Variants in AMOTL1 observed in about 807,000 individuals in gnomAD.
AMOTL1 encodes angiomotin like 1.
A neutral mutation model predicts 102.9 loss-of-function variants in AMOTL1; 45 were observed. The observed-to-expected ratio is 0.44, with a 90% confidence interval of 0.34 to 0.56. The LOEUF is 0.56. Among genes scored for constraint, AMOTL1 ranks in the 20% least tolerant of loss-of-function variants. AMOTL1 has a pLI of 0.01. For missense variants in AMOTL1, 1,114 were observed against 1,225.6 expected (o/e 0.91, Z 1.36); for synonymous variants, 481 against 484.7 (o/e 0.99, Z 0.10).
At chr11:94,849,061 A>G (rs1435016476) in intron 6 of AMOTL1, among the ~76,000 whole-genome samples, 2 of 152,210 alleles carry the variant, frequency 1.3e-5, no homozygotes, top group African/African-American at 2.4e-5. Context: ...ATCCATTTCT[A>G]ACTACTATTG....
At chr11:94,856,003 GAC>G (rs1251304839) in intron 8 of AMOTL1, among the ~76,000 whole-genome samples, 7 of 152,198 alleles carry the variant, frequency 4.6e-5, no homozygotes, top group African/African-American at 1.7e-4. Flanking sequence ...AAGAGGAGGA[GAC>G]AGTCTCTAAA....
intron 8 of AMOTL1, among the ~76,000 whole-genome samples, chr11:94,854,965 C>T (rs1000683058): frequency 4.6e-5 from 7 of 152,128 alleles, no homozygotes; most frequent in African/African-American, 1.7e-4. Flanking sequence ...AGTGAAAAGC[C>T]CAGCCTGGGG....
intron 1 of AMOTL1, among the ~76,000 whole-genome samples, chr11:94,712,759 C>G (rs761677620): frequency 1.1e-4 from 16 of 151,824 alleles, no homozygotes; most frequent in Non-Finnish European, 1.9e-4. Flanking sequence ...GTATGGTTTG[C>G]AGATATTCTC....
At position 94,790,970 on chromosome 11, in the gene AMOTL1, C is replaced by T. The variant is rs567565642; in HGVS notation, c.50-4041C>T. Among the ~76,000 whole-genome samples the T allele has an allele frequency of 8.5e-5, 13 of 152,228 alleles. No homozygotes were observed. In the East Asian group the frequency reaches 2.3e-3, roughly 27 times the overall value. On this transcript the variant is annotated intron_variant, in intron 1 of 12. Transcript: ENST00000433060. ...ATTCACCTTAATTCATTTTTTTTCC[C>T]TTCAACAATGAAGCCGTTGTTATTG...
chr11:94,710,235 A>G (rs1321046565), intron 1 of AMOTL1, among the ~76,000 whole-genome samples: 1 of 152,206 alleles, frequency 6.6e-6, no homozygotes, highest in Non-Finnish European at 1.5e-5. Context: ...GTGCCACCTG[A>G]GGCCTGGTGG....
intron 3 of AMOTL1, among the ~76,000 whole-genome samples, chr11:94,813,654 A>G (rs1951718962): frequency 6.6e-6 from 1 of 152,136 alleles, no homozygotes; most frequent in South Asian, 2.1e-4. Flanking sequence ...CCCCTTCCAC[A>G]CTGAAGTGCG....
intron 6 of AMOTL1, among the ~76,000 whole-genome samples, chr11:94,846,210 T>G (rs1453229785): frequency 6.6e-6 from 1 of 152,206 alleles, no homozygotes; most frequent in African/African-American, 2.4e-5. Context: ...TGTGTTCTCA[T>G]AGCACCCTGT....
At chr11:94,804,643 T>C (rs1951537867) in intron 3 of AMOTL1, among the ~76,000 whole-genome samples, 1 of 152,248 alleles carries the variant, frequency 6.6e-6, no homozygotes, top group Admixed American at 6.5e-5. Flanking sequence ...AGGTTAATTT[T>C]GTGGGGAAGG....
intron 2 of AMOTL1, among the ~76,000 whole-genome samples, chr11:94,737,877 G>C (rs1007309935): frequency 2.0e-5 from 3 of 152,234 alleles, no homozygotes; most frequent in African/African-American, 7.2e-5. Flanking sequence ...GAGCAAAATG[G>C]AGAATGGGTG....
chr11:94,822,472 A>G (rs970561939), intron 4 of AMOTL1, among the ~76,000 whole-genome samples: 5 of 152,150 alleles, frequency 3.3e-5, no homozygotes, highest in Non-Finnish European at 7.4e-5. Context: ...AGTGAGAGAT[A>G]CCAAATTTTC....
chr11:94,870,478 C>G (rs1952975186), intron 12 of AMOTL1, among the ~76,000 whole-genome samples: 1 of 152,188 alleles, frequency 6.6e-6, no homozygotes, highest in Non-Finnish European at 1.5e-5. Context: ...CCTTCTGAAT[C>G]CTCTCCCTTC....
chr11:94,746,983 A>G (rs1372071839), intron 3 of AMOTL1, among the ~76,000 whole-genome samples: 1 of 151,894 alleles, frequency 6.6e-6, no homozygotes, highest in Non-Finnish European at 1.5e-5. Flanking sequence ...GTATATCTCT[A>G]AGACTGGCCT....
upstream of AMOTL1, among the ~76,000 whole-genome samples, chr11:94,765,059 C>T (rs1444344000): frequency 6.6e-6 from 1 of 152,194 alleles, no homozygotes; most frequent in Non-Finnish European, 1.5e-5. Context: ...TTGGGAACAG[C>T]TTGGTATCAC....
At position 94,837,213 on chromosome 11, in the gene AMOTL1, C is replaced by T. The variant is rs1344380951; in HGVS notation, c.1648+5672C>T. Among the ~76,000 whole-genome samples, 4 of 152,326 alleles carry T rather than the reference C, an allele frequency of 2.6e-5. 1 individual carries two copies. Among genetic ancestry groups the T allele is most frequent in the African/African-American group, 9.6e-5 (4 of 41,576 alleles). On this transcript the variant is annotated intron_variant, in intron 6 of 12. Coordinates refer to ENST00000433060, the MANE Select transcript of AMOTL1 (RefSeq NM_130847.3). ...ACATCTCCTGAGTCCTGGTGTCTTACTAACAGGCTCAGAGACCTGAAGTTA... is the reference window on the plus strand; with the variant it reads ...ACATCTCCTGAGTCCTGGTGTCTTATTAACAGGCTCAGAGACCTGAAGTTA...
At chr11:94,720,816 G>A (rs1488948581) in intron 1 of AMOTL1, among the ~76,000 whole-genome samples, 2 of 152,108 alleles carry the variant, frequency 1.3e-5, no homozygotes, top group Non-Finnish European at 2.9e-5. Context: ...GAGAGGTGGT[G>A]AGGAGCAGAA....
intron 4 of AMOTL1, among the ~76,000 whole-genome samples, chr11:94,823,961 C>T (rs879555155): frequency 6.6e-5 from 10 of 152,046 alleles, no homozygotes; most frequent in African/African-American, 1.7e-4. Context: ...CCTCGTGATC[C>T]GCCCACCTCG....
intron 1 of AMOTL1, among the ~76,000 whole-genome samples, chr11:94,793,860 A>C (rs891729344): frequency 2.0e-5 from 3 of 152,266 alleles, no homozygotes; most frequent in African/African-American, 7.2e-5. Flanking sequence ...TTTATAAGAA[A>C]AAAATTCTTG....
intron 6 of AMOTL1, among the ~76,000 whole-genome samples, chr11:94,843,116 A>G (rs1004234551): frequency 2.6e-5 from 4 of 152,232 alleles, no homozygotes; most frequent in South Asian, 2.1e-4. Context: ...CTCCTTACCC[A>G]AGAAACCATC....
At chr11:94,750,720 A>G (rs1950642890) in intron 3 of AMOTL1, among the ~76,000 whole-genome samples, 1 of 152,160 alleles carries the variant, frequency 6.6e-6, no homozygotes, top group South Asian at 2.1e-4. Flanking sequence ...TTTTCTCAGG[A>G]TGATTGACAG....
Sources: gnomAD v4.1 joint callset for allele counts (sites outside exome capture counted in the v4.1 genomes callset) on GRCh38, gnomAD v4.1.1 for gene constraint, MANE v1.5 for transcripts, NCBI Gene and HGNC (gene_info 2026-07-23, HGNC 2026-07-21) for gene names.